Variants in ENOX2 observed in about 807,000 individuals in gnomAD.
ENOX2 encodes ecto-NOX disulfide-thiol exchanger 2, also known as APK1 antigen.
ENOX2 carries 36 observed loss-of-function variants against 45.0 expected under a neutral mutation model. That is an observed-to-expected ratio of 0.80 (90% confidence interval 0.61 to 1.06). The LOEUF (loss-of-function observed/expected upper bound fraction) is 1.06, where lower values mean the gene tolerates loss of function less well. Among genes scored for constraint, ENOX2 ranks in the 50% least tolerant of loss-of-function variants. ENOX2 has a pLI of 0.00. For synonymous variants in ENOX2, 174 were observed against 152.3 expected (o/e 1.14, Z -1.05); for missense variants, 423 against 462.5 (o/e 0.91, Z 0.78).
At chrX:130,752,085 G>A (rs1396194304) in intron 3 of ENOX2, among the ~76,000 whole-genome samples, 1 of 111,261 alleles carries the variant, frequency 9.0e-6, no homozygotes, top group Non-Finnish European at 1.9e-5. Context: ...TTCTCTGTTG[G>A]TGTCTTTGTA....
intron 2 of ENOX2, among the ~76,000 whole-genome samples, chrX:130,817,368 T>A (rs750594064): frequency 9.0e-6 from 1 of 111,605 alleles, no homozygotes; most frequent in East Asian, 2.8e-4. Flanking sequence ...ATTCCTTCTG[T>A]AACTATTCCA....
At chrX:130,777,331 T>G (rs1019570298) in intron 3 of ENOX2, among the ~76,000 whole-genome samples, 5 of 109,481 alleles carry the variant, frequency 4.6e-5, no homozygotes, top group South Asian at 4.2e-4. Flanking sequence ...AAACCCTGTC[T>G]CTATTAAAAA....
chrX:130,769,746 C>T (rs759328464), intron 3 of ENOX2, among the ~76,000 whole-genome samples: 30 of 111,617 alleles, frequency 2.7e-4, no homozygotes, highest in Admixed American at 2.3e-3. Context: ...ACATGTTTGC[C>T]GAGTAAACAT....
intron 3 of ENOX2, among the ~76,000 whole-genome samples, chrX:130,738,695 T>C (rs1203080655): frequency 8.9e-6 from 1 of 112,098 alleles, no homozygotes; most frequent in Non-Finnish European, 1.9e-5. Flanking sequence ...TCACAGATGG[T>C]CTAAAATAAA....
chrX:130,643,762 T>A (rs1463858091), intron 10 of ENOX2, among the ~76,000 whole-genome samples: 4 of 112,130 alleles, frequency 3.6e-5, no homozygotes, highest in African/African-American at 1.3e-4. Flanking sequence ...CTCCCTTCTA[T>A]CAGAAATGGA....
chrX:130,636,506 C>G (rs761153678), intron 11 of ENOX2, among the ~76,000 whole-genome samples: 2 of 112,423 alleles, frequency 1.8e-5, no homozygotes, highest in Admixed American at 9.4e-5. Flanking sequence ...CTCAGAGGCA[C>G]TACTCCTTTA....
chrX:130,638,431 AACACACACACACACACACACACACACAC>A (rs34648095), intron 10 of ENOX2, among the ~76,000 whole-genome samples: 1 of 92,767 alleles, frequency 1.1e-5, no homozygotes, highest in Non-Finnish European at 2.2e-5. Context: ...AACAATTTGA[AACACACACACACACACACACACACACAC>A]ACACACACAC....
chrX:130,860,024 C>T (rs1052353031), intron 2 of ENOX2, among the ~76,000 whole-genome samples: 3 of 109,486 alleles, frequency 2.7e-5, no homozygotes, highest in Non-Finnish European at 3.8e-5. Flanking sequence ...GGCACGATCT[C>T]GGCTCACTGC....
At chrX:130,638,062 C>T (rs2035977520) in intron 10 of ENOX2, among the ~76,000 whole-genome samples, 3 of 106,881 alleles carry the variant, frequency 2.8e-5, no homozygotes, top group Non-Finnish European at 5.7e-5. Flanking sequence ...TTCTTTCCTT[C>T]CTTCCTTTTT....
At chrX:130,757,170 TA>T (rs2039372948) in intron 3 of ENOX2, among the ~76,000 whole-genome samples, 1 of 111,991 alleles carries the variant, frequency 8.9e-6, no homozygotes, top group African/African-American at 3.2e-5. Context: ...TATTTATCAC[TA>T]AAACCTATCT....
At position 130,867,393 on chromosome X, in the gene ENOX2, G is replaced by A. The variant is rs184383247; in HGVS notation, c.-183+34291C>T. 5.1e-3 allele frequency among the ~76,000 whole-genome samples: 571 copies of A among 111,750 alleles called. 2 individuals are homozygous for A. The highest frequency in any genetic ancestry group is 0.018 in the African/African-American group (542 of 30,878). On this transcript the variant is annotated intron_variant, in intron 2 of 14. Coordinates refer to ENST00000394363, the MANE Select transcript of ENOX2 (RefSeq NM_006375.4). Reference sequence around the variant, plus strand: ...TTAGTGGCAGTTTCTTTAGTGAAATGGGAAATCTGAATCTATATTAATGAA... The same window carrying A: ...TTAGTGGCAGTTTCTTTAGTGAAATAGGAAATCTGAATCTATATTAATGAA...
intron 3 of ENOX2, among the ~76,000 whole-genome samples, chrX:130,731,965 C>T (rs982362624): frequency 4.5e-5 from 5 of 111,677 alleles, no homozygotes; most frequent in African/African-American, 1.6e-4. Flanking sequence ...CCCACTTTCA[C>T]CACTTCTATT....
At chrX:130,737,540 T>G (rs2038891152) in intron 3 of ENOX2, among the ~76,000 whole-genome samples, 1 of 112,495 alleles carries the variant, frequency 8.9e-6, no homozygotes, top group South Asian at 3.7e-4. Flanking sequence ...TCCTGCCATC[T>G]AGAATATTAT....
At chrX:130,654,587 G>C (rs2036496478) in intron 10 of ENOX2, among the ~76,000 whole-genome samples, 1 of 112,218 alleles carries the variant, frequency 8.9e-6, no homozygotes, top group Non-Finnish European at 1.9e-5. Flanking sequence ...TTCTGCAGTT[G>C]AGTACTACAG....
chrX:130,886,588 A>T (rs1459367646), intron 2 of ENOX2, among the ~76,000 whole-genome samples: 1 of 112,065 alleles, frequency 8.9e-6, no homozygotes, highest in East Asian at 2.8e-4. Flanking sequence ...TGATCCAAGG[A>T]TATTTTACAA....
chrX:130,693,096 C>T (rs772425601), intron 4 of ENOX2, among the ~76,000 whole-genome samples: 3 of 112,159 alleles, frequency 2.7e-5, no homozygotes, highest in South Asian at 3.7e-4. Flanking sequence ...ATTGTCCATT[C>T]TCTGTACACA....
intron 2 of ENOX2, among the ~76,000 whole-genome samples, chrX:130,877,304 G>A (rs1033772619): frequency 8.9e-6 from 1 of 111,931 alleles, no homozygotes. Context: ...TCTTTCCTTA[G>A]TCTGCAGGTT....
intron 3 of ENOX2, among the ~76,000 whole-genome samples, chrX:130,720,530 T>C (rs1170514332): frequency 8.9e-6 from 1 of 112,404 alleles, no homozygotes; most frequent in Admixed American, 9.4e-5. Flanking sequence ...AATCTGATTG[T>C]AGCTTGCAGC....
chrX:130,867,952 G>A (rs2078516123), intron 2 of ENOX2, among the ~76,000 whole-genome samples: 1 of 111,858 alleles, frequency 8.9e-6, no homozygotes, highest in African/African-American at 3.2e-5. Flanking sequence ...TGCATCAGAA[G>A]TGCTTTATGT....
Sources: gnomAD v4.1 joint callset for allele counts (sites outside exome capture counted in the v4.1 genomes callset) on GRCh38, gnomAD v4.1.1 for gene constraint, MANE v1.5 for transcripts, NCBI Gene and HGNC (gene_info 2026-07-23, HGNC 2026-07-21) for gene names.